Variants in LRFN5 observed in about 807,000 individuals in gnomAD.
LRFN5 encodes the protein leucine rich repeat and fibronectin type III domain containing 5, also known as leucine-rich repeat and fibronectin type-III domain-containing protein 5.
LRFN5 carries 24 observed loss-of-function variants against 45.6 expected under a neutral mutation model. That is an observed-to-expected ratio of 0.53 (90% CI 0.38 to 0.74). The LOEUF is 0.74. LRFN5 is among the 30% of genes least tolerant of loss of function. The pLI, the probability that LRFN5 is intolerant of heterozygous loss-of-function variation, is 0.00. For synonymous variants in LRFN5, 340 were observed against 313.8 expected, an observed-to-expected ratio of 1.08 and a Z score of -0.88; for missense variants, 776 against 861.5, an observed-to-expected ratio of 0.90 and a Z score of 1.24.
At chr14:41,861,570 G>A (rs1343940909) in intron 2 of LRFN5, among the ~76,000 whole-genome samples, 5 of 152,154 alleles carry the variant, frequency 3.3e-5, no homozygotes, top group South Asian at 2.1e-4. Context: ...CATCTTTACT[G>A]AACTGTCTGG....
intron 1 of LRFN5, among the ~76,000 whole-genome samples, chr14:41,684,686 T>A (rs1203971392): frequency 6.6e-6 from 1 of 151,998 alleles, no homozygotes; most frequent in East Asian, 1.9e-4. Flanking sequence ...AAACTTAAAT[T>A]TAAAACGTAA....
chr14:41,704,434 C>CTGTGTGTGTGTGTGTGTG (rs1255294858), intron 1 of LRFN5, among the ~76,000 whole-genome samples: 19 of 43,094 alleles, frequency 4.4e-4, no homozygotes, highest in East Asian at 3.0e-3. Context: ...CTCTCTCTCT[C>CTGTGTGTGTGTGTGTGTG]TCTCTCTCTC....
intron 1 of LRFN5, among the ~76,000 whole-genome samples, chr14:41,740,862 G>A (rs1274760139): frequency 1.3e-5 from 2 of 151,886 alleles, no homozygotes; most frequent in Admixed American, 1.3e-4. Context: ...GAACTGATTA[G>A]TACATTTAAT....
chr14:41,652,276 C>A (rs1880164774), intron 1 of LRFN5, among the ~76,000 whole-genome samples: 1 of 151,818 alleles, frequency 6.6e-6, no homozygotes, highest in African/African-American at 2.4e-5. Flanking sequence ...AATATTATAT[C>A]ATTTCTATGA....
chr14:41,808,393 A>T (rs1887606220), intron 2 of LRFN5, among the ~76,000 whole-genome samples: 1 of 61,536 alleles, frequency 1.6e-5, no homozygotes. Context: ...GAAGGAAGGA[A>T]AGGAAGAAAG....
chr14:41,888,534 T>C (rs1890660953), intron 3 of LRFN5, among the ~76,000 whole-genome samples: 1 of 152,112 alleles, frequency 6.6e-6, no homozygotes, highest in Non-Finnish European at 1.5e-5. Flanking sequence ...GTCTTGTGAA[T>C]AAGGTGGGTG....
At chr14:41,786,825 T>C (rs767010431) in intron 2 of LRFN5, among the ~76,000 whole-genome samples, 8 of 151,958 alleles carry the variant, frequency 5.3e-5, no homozygotes, top group Non-Finnish European at 1.2e-4. Flanking sequence ...TTTCATTGTG[T>C]TGTTGTTATT....
At chr14:41,863,255 T>C (rs1889730517) in intron 2 of LRFN5, among the ~76,000 whole-genome samples, 1 of 152,244 alleles carries the variant, frequency 6.6e-6, no homozygotes, top group African/African-American at 2.4e-5. Flanking sequence ...TCCTATCTTA[T>C]ATTTGCTTTC....
chr14:41,897,225 T>C lies in LRFN5; in HGVS notation c.2099-1692T>C, dbSNP rs139445553. Among the ~76,000 whole-genome samples the C allele has an allele frequency of 3.9e-3, 593 of 152,068 alleles. 2 individuals are homozygous for C. Among genetic ancestry groups the C allele is most frequent in the Non-Finnish European group, 6.7e-3 (457 of 67,956 alleles). ...AAGAGGGATATAGAAAGTAACAATT[T>C]ATAACCAGGAGTATATTTAAGTAGT... On this transcript the variant is annotated intron_variant, in intron 4 of 5. Transcript: ENST00000298119.
At chr14:41,629,864 G>A (rs1485044651) in intron 1 of LRFN5, among the ~76,000 whole-genome samples, 2 of 152,038 alleles carry the variant, frequency 1.3e-5, no homozygotes, top group South Asian at 2.1e-4. Flanking sequence ...TTGAGAAGTT[G>A]TTTTTTCTGA....
intron 1 of LRFN5, among the ~76,000 whole-genome samples, chr14:41,719,658 A>G (rs746341399): frequency 5.9e-5 from 9 of 151,726 alleles, no homozygotes; most frequent in Non-Finnish European, 1.2e-4. Flanking sequence ...AAATCATTTT[A>G]CTCTTTCCAT....
intron 2 of LRFN5, among the ~76,000 whole-genome samples, chr14:41,796,074 A>G (rs1207031647): frequency 6.6e-6 from 1 of 152,064 alleles, no homozygotes; most frequent in African/African-American, 2.4e-5. Context: ...TTCTAAAAAT[A>G]CAAAATCAAT....
intron 3 of LRFN5, among the ~76,000 whole-genome samples, chr14:41,888,835 G>T (rs1890670981): frequency 6.6e-6 from 1 of 151,946 alleles, no homozygotes. Context: ...TTGATTTATA[G>T]TCACATCTTA....
intron 2 of LRFN5, among the ~76,000 whole-genome samples, chr14:41,829,591 A>G (rs1888410056): frequency 6.6e-6 from 1 of 151,670 alleles, no homozygotes; most frequent in Non-Finnish European, 1.5e-5. Flanking sequence ...TTTTTTCTGA[A>G]TTAATCTGGT....
chr14:41,805,989 T>C (rs1317057960), intron 2 of LRFN5, among the ~76,000 whole-genome samples: 2 of 152,172 alleles, frequency 1.3e-5, no homozygotes, highest in African/African-American at 4.8e-5. Context: ...AGATCTGCAG[T>C]TGCAAATTTC....
At chr14:41,659,990 G>A (rs1227400929) in intron 1 of LRFN5, among the ~76,000 whole-genome samples, 1 of 149,384 alleles carries the variant, frequency 6.7e-6, no homozygotes, top group Non-Finnish European at 1.5e-5. Flanking sequence ...CTCCAATTCT[G>A]TAGGTTGCCT....
At chr14:41,792,171 G>T (rs1004457579) in intron 2 of LRFN5, among the ~76,000 whole-genome samples, 3 of 151,960 alleles carry the variant, frequency 2.0e-5, no homozygotes, top group African/African-American at 7.2e-5. Context: ...TTTTATTAAG[G>T]GTTTCAAAAG....
chr14:41,668,538 C>T (rs1428827946), intron 1 of LRFN5, among the ~76,000 whole-genome samples: 2 of 152,020 alleles, frequency 1.3e-5, no homozygotes, highest in African/African-American at 4.8e-5. Flanking sequence ...TCAGCAAAAT[C>T]CTCTTAGGAA....
chr14:41,737,229 A>T (rs1358686651), intron 1 of LRFN5, among the ~76,000 whole-genome samples: 1 of 152,216 alleles, frequency 6.6e-6, no homozygotes, highest in African/African-American at 2.4e-5. Context: ...TACATTACAT[A>T]AACAGAACCA....
Sources: gnomAD v4.1 joint callset for allele counts (sites outside exome capture counted in the v4.1 genomes callset) on GRCh38, gnomAD v4.1.1 for gene constraint, MANE v1.5 for transcripts, NCBI Gene and HGNC (gene_info 2026-07-23, HGNC 2026-07-21) for gene names.